The following KNL1 variants were observed in gnomAD, a reference collection of about 807,000 sequenced individuals.
KNL1 encodes kinetochore scaffold 1, also known as outer kinetochore KNL1 complex subunit KNL1.
Under a neutral mutation model 201.3 loss-of-function variants are expected in KNL1, and 66 were observed. The observed-to-expected ratio is 0.33, with a 90% CI of 0.27 to 0.40. KNL1 has a LOEUF of 0.40. Among genes scored for constraint, KNL1 ranks in the 10% least tolerant of loss-of-function variants. KNL1 has a pLI of 1.00. For missense variants in KNL1, 2,815 were observed against 2,690.5 expected (o/e 1.05, Z -1.02); for synonymous variants, 895 against 899.2 (o/e 1.00, Z 0.08).
At chr15:40,605,541 T>C (rs909730651) in intron 3 of KNL1, among the ~76,000 whole-genome samples, 6 of 151,442 alleles carry the variant, frequency 4.0e-5, no homozygotes, top group South Asian at 4.2e-4. Flanking sequence ...AACCTCCGCC[T>C]CCTGGGTTCA....
chr15:40,599,793 CTT>C (rs55838833), intron 1 of KNL1, among the ~76,000 whole-genome samples: 91,804 of 120,290 alleles, frequency 0.76, 35,561 homozygotes, highest in Middle Eastern at 0.85. Context: ...TTATGTATTC[CTT>C]TTTTTTTTTT....
chr15:40,633,805 T>TG (rs1567014774), intron 13 of KNL1, among the ~76,000 whole-genome samples: 3 of 152,356 alleles, frequency 2.0e-5, no homozygotes, highest in East Asian at 3.9e-4. Flanking sequence ...CTCAAAGTGC[T>TG]GGGATTGCAG....
intron 19 of KNL1, 32 bp from the exon 20 acceptor site, chr15:40,651,439 T>G (rs568528511): frequency 6.8e-7 from 1 of 1,477,190 alleles, no homozygotes; most frequent in South Asian, 1.2e-5. Context: ...AACAAAAACC[T>G]TATCTCTCTG....
intron 17 of KNL1, among the ~76,000 whole-genome samples, chr15:40,647,950 A>G (rs12908443): frequency 0.25 from 38,648 of 152,026 alleles, 6,046 homozygotes; most frequent in Middle Eastern, 0.37. Flanking sequence ...GTTCTTTTCT[A>G]TATTCTCTCC....
At chr15:40,647,347 C>T (rs1025764068) in intron 17 of KNL1, among the ~76,000 whole-genome samples, 3 of 151,928 alleles carry the variant, frequency 2.0e-5, no homozygotes, top group African/African-American at 7.3e-5. Context: ...TGGTGACGGG[C>T]GCCTGTACTC....
chr15:40,630,144 A>G (rs1473376686), intron 13 of KNL1, among the ~76,000 whole-genome samples: 1 of 152,204 alleles, frequency 6.6e-6, no homozygotes, highest in African/African-American at 2.4e-5. Context: ...TGGGCAACAT[A>G]TCAGTATCCT....
intron 1 of KNL1, among the ~76,000 whole-genome samples, chr15:40,602,201 T>G (rs1891823799): frequency 6.6e-6 from 1 of 150,466 alleles, no homozygotes; most frequent in African/African-American, 2.4e-5. Context: ...TAATTTTTTT[T>G]TTTTTCTATT....
chr15:40,632,975 T>C (rs759092109), intron 13 of KNL1, among the ~76,000 whole-genome samples: 1 of 152,174 alleles, frequency 6.6e-6, no homozygotes, highest in Non-Finnish European at 1.5e-5. Flanking sequence ...AGAACAGTCA[T>C]GTACTGCGTA....
intron 15 of KNL1, 76 bp downstream of exon 15, chr15:40,645,163 T>A: frequency 1.0e-6 from 1 of 986,370 alleles, no homozygotes; most frequent in South Asian, 1.4e-5. Flanking sequence ...TGAGTAACTG[T>A]TACTTGGTCA....
Position 40,654,090 on chromosome 15 carries a change from T to A in KNL1, c.6416-819T>A, listed in dbSNP as rs527254834. Reference sequence around the variant, plus strand: ...CAGGTTGAGTATGCTGTTTTTCTCATGGTATCCACAGTGCCTAACACATAG... The same window carrying A: ...CAGGTTGAGTATGCTGTTTTTCTCAAGGTATCCACAGTGCCTAACACATAG... On this transcript the variant is annotated intron_variant, in intron 21 of 25. Coordinates refer to ENST00000399668, the MANE Select transcript of KNL1 (RefSeq NM_144508.5). 2.0e-5 allele frequency among the ~76,000 whole-genome samples: 3 copies of A among 152,334 alleles called. No individual in the cohort carries two copies. In the East Asian group the frequency reaches 5.8e-4, roughly 29 times the overall value.
chr15:40,655,052 C>CT lies in KNL1; in HGVS notation c.6484+78dup, dbSNP rs1595948715. On this transcript the variant is annotated intron_variant, in intron 22 of 25. Coordinates refer to ENST00000399668, the MANE Select transcript of KNL1 (RefSeq NM_144508.5). ...ATGGCTCATGCCTTTAATCCCAGCACTTTGGGAGGCTGAGGCGGGTGGATC... is the reference window on the plus strand; with the variant it reads ...ATGGCTCATGCCTTTAATCCCAGCACTTTTGGGAGGCTGAGGCGGGTGGATC... 9.6e-6 allele frequency: 11 copies of CT among 1,145,270 alleles called. No individual in the cohort carries two copies. In the East Asian group the frequency reaches 2.6e-4, roughly 28 times the overall value. 70.9% of individuals were successfully genotyped at this position (1,145,270 alleles called of 1,614,324 possible).
In KNL1 at chr15:40,629,313, T is replaced by C. The variant is rs1892836997; in HGVS notation, c.5624T>C (p.Ile1875Thr). The C allele has an allele frequency of 6.2e-7, 1 of 1,604,256 alleles. No homozygotes were observed. The highest frequency in any genetic ancestry group is 8.5e-7 in the Non-Finnish European group (1 of 1,177,974). ...DGRITIREFF[I>T]LLQVHILIQK... The stretch of plus-strand genomic sequence containing the variant: ...AGAATAACAATAAGGGAGTTCTTTA[T>C]ACTTCTCCAGGTCCACATCTTGATA... Residue 1875 changes from isoleucine (I) to threonine (T), a missense_variant, in exon 13 of 26, where the codon ATA (isoleucine) becomes ACA (threonine). By Grantham distance (89) the Ile-to-Thr change is moderately conservative (BLOSUM62 -1). This residue lies in a region of KNL1 where 2,464 missense variants were observed against 2,291.7 expected (regional missense o/e 1.08). Coordinates refer to ENST00000399668, the MANE Select transcript of KNL1 (RefSeq NM_144508.5).
At chr15:40,610,408 A>G (rs1892114928) in intron 6 of KNL1, 111 bp downstream of exon 6, 10 of 669,244 alleles carry the variant, frequency 1.5e-5, no homozygotes, top group Non-Finnish European at 2.7e-5. Flanking sequence ...CTTAAAAAAT[A>G]TATGATGGGC....
At position 40,625,650 on chromosome 15, in the gene KNL1, G is replaced by T; in HGVS notation, c.5376+10G>T. On this transcript the variant is annotated intron_variant, in intron 10 of 25. Coordinates refer to ENST00000399668, the MANE Select transcript of KNL1 (RefSeq NM_144508.5). ...GACACAAGATCGGGAGGTGAGCTCT[G>T]TCTTGAACCAAAGAATGTTCTTGAA... 3.1e-6 allele frequency: 5 copies of T among 1,597,856 alleles called. No individual in the cohort carries two copies. The highest frequency in any genetic ancestry group is 4.3e-6 in the Non-Finnish European group (5 of 1,171,740).
rs1172811229 is a variant in KNL1 at position 40,605,041 on chromosome 15, T to C, written c.36-69T>C. 3.7e-6 allele frequency: 3 copies of C among 816,972 alleles called. No individual in the cohort carries two copies. In the African/African-American group the frequency reaches 5.1e-5, roughly 14 times the overall value. The allele number at this position is 816,972 out of a possible 1,614,324, so 50.6% of individuals were successfully genotyped here. A position where few individuals can be genotyped will look rare whatever the true frequency, so the allele number is the denominator to read the frequency against. On this transcript the variant is annotated intron_variant, in intron 2 of 25. Transcript: ENST00000399668. ...CAGTTTGAAAGCATGTAAGGGGTGC[T>C]GTGATGATGCCTTTTGTGAATTCAT... is the stretch of plus-strand genomic sequence containing the variant.
In KNL1 at chr15:40,620,685, C is replaced by A. The variant is rs1354983792; in HGVS notation, c.421C>A (p.Gln141Lys). Residue 141 changes from glutamine to lysine, a missense_variant, in exon 10 of 26, where the codon CAG becomes AAG. Coordinates refer to ENST00000399668, the MANE Select transcript of KNL1 (RefSeq NM_144508.5). ...HTRERKHAND[Q>K]TVIFSDENQM... The stretch of plus-strand genomic sequence containing the variant: ...CCGTGAAAGGAAACATGCAAATGAC[C>A]AGACAGTCATTTTTTCAGATGAAAA... The A allele has an allele frequency of 6.3e-7, 1 of 1,598,664 alleles. No homozygotes were observed. Among genetic ancestry groups the A allele is most frequent in the Non-Finnish European group, 8.5e-7 (1 of 1,175,016 alleles).
Position 40,628,175 on chromosome 15 carries a change from A to T in KNL1, c.5482A>T (p.Ile1828Phe). The T allele has an allele frequency of 4.3e-6, 7 of 1,612,402 alleles. No homozygotes were observed. Among genetic ancestry groups the T allele is most frequent in the Non-Finnish European group, 5.9e-6 (7 of 1,179,366 alleles). Residue 1828 changes from isoleucine to phenylalanine, a missense_variant, in exon 11 of 26, where the codon ATC becomes TTC. Transcript: ENST00000399668. ...PSSCSSSLDS[I>F]KADGTSLDFS... The stretch of plus-strand genomic sequence containing the variant: ...TAGTTGCAGCAGCTCTCTGGATTCA[A>T]TCAAGGCTGATGGGACCTCTCTGGA...
intron 13 of KNL1, 40 bp downstream of exon 13, chr15:40,629,411 A>G: frequency 7.2e-7 from 1 of 1,383,498 alleles, no homozygotes; most frequent in Non-Finnish European, 1.0e-6. Flanking sequence ...CATCAAAGCA[A>G]ACATTTATTT....
intron 2 of KNL1, among the ~76,000 whole-genome samples, chr15:40,603,500 A>G (rs1168552137): frequency 6.6e-6 from 1 of 152,202 alleles, no homozygotes; most frequent in African/African-American, 2.4e-5. Context: ...TACTCTGGGC[A>G]TGGTGGCTCA....
Sources: gnomAD v4.1 joint callset for allele counts (sites outside exome capture counted in the v4.1 genomes callset) on GRCh38, gnomAD v4.1.1 for gene constraint, gnomAD v4.1.1 regional missense constraint, MANE v1.5 for transcripts, NCBI Gene and HGNC (gene_info 2026-07-23, HGNC 2026-07-21) for gene names.